OCA2: variants seen among roughly 807,000 people sequenced by gnomAD.
The protein encoded by OCA2 is OCA2 melanosomal transmembrane protein, also known as P protein.
A neutral mutation model predicts 100.2 loss-of-function variants in OCA2; 77 were observed. That is an observed-to-expected ratio of 0.77 (90% CI 0.64 to 0.93). OCA2 has a LOEUF of 0.93. Among genes scored for constraint, OCA2 ranks in the 40% least tolerant of loss-of-function variants. OCA2 has a pLI of 0.00. For synonymous variants in OCA2, 432 were observed against 439.2 expected (o/e 0.98, Z 0.21); for missense variants, 1,062 against 1,089.1 (o/e 0.98, Z 0.35).
rs2036568844 is a variant in OCA2, at chr15:27,871,400, A to G, written c.2140-142T>C. ...AGACCAAGGCAGACATAGGTGTGCA[A>G]GCCAGGGCCACACCCACACCAGGAG... On this transcript the variant is annotated intron_variant, in intron 20 of 23. Transcript: ENST00000354638. 5.6e-6 allele frequency: 4 copies of G among 709,182 alleles called. No homozygotes were observed. In the South Asian group the frequency reaches 6.0e-5, roughly 11 times the overall value. The allele number at this position is 709,182 out of a possible 1,614,324, so 43.9% of individuals were successfully genotyped here. A position where few individuals can be genotyped will look rare whatever the true frequency, so the allele number is the denominator to read the frequency against.
chr15:27,909,543 A>G (rs1371339761), intron 19 of OCA2, among the ~76,000 whole-genome samples: 2 of 152,222 alleles, frequency 1.3e-5, no homozygotes, highest in Non-Finnish European at 2.9e-5. Context: ...ATGCTGGTCC[A>G]TTAACAGACA....
At chr15:27,909,213 A>T (rs1306385746) in intron 19 of OCA2, among the ~76,000 whole-genome samples, 1 of 152,248 alleles carries the variant, frequency 6.6e-6, no homozygotes, top group Non-Finnish European at 1.5e-5. Flanking sequence ...CAAAAATTAT[A>T]CAACACAATT....
At chr15:27,746,506 T>A in the OCA2 span, among the ~76,000 whole-genome samples, 3 of 151,874 alleles carry the variant, frequency 2.0e-5, no homozygotes, top group African/African-American at 7.2e-5. Flanking sequence ...AGAACTTTTT[T>A]CCCCCTGAAA....
chr15:27,727,961 G>T, the OCA2 span, among the ~76,000 whole-genome samples: 1 of 152,184 alleles, frequency 6.6e-6, no homozygotes, highest in Non-Finnish European at 1.5e-5. Context: ...GACATCTTTG[G>T]GGATGAAGCT....
intron 2 of OCA2, among the ~76,000 whole-genome samples, chr15:28,055,176 G>A (rs984137756): frequency 3.3e-5 from 5 of 152,234 alleles, no homozygotes; most frequent in South Asian, 4.1e-4. Flanking sequence ...TGGGTTTGCT[G>A]AGTTTGTCAT....
downstream of OCA2, among the ~76,000 whole-genome samples, chr15:27,751,991 G>A (rs1337612752): frequency 6.6e-6 from 1 of 152,228 alleles, no homozygotes; most frequent in African/African-American, 2.4e-5. Flanking sequence ...GAAGTATGTT[G>A]CATTTACAAG....
chr15:27,984,043 T>A (rs569618571), intron 13 of OCA2, among the ~76,000 whole-genome samples: 1 of 151,534 alleles, frequency 6.6e-6, no homozygotes, highest in African/African-American at 2.4e-5. Flanking sequence ...ATGTAATAAT[T>A]CACATAATCA....
Position 27,955,291 on chromosome 15 carries a change from CG to C in OCA2, c.1785-77del. The C allele has an allele frequency of 2.8e-6, 3 of 1,078,326 alleles. No homozygotes were observed. In the East Asian group the frequency reaches 7.1e-5, roughly 25 times the overall value. 66.8% of individuals were successfully genotyped at this position (1,078,326 alleles called of 1,614,324 possible). A position where few individuals can be genotyped will look rare whatever the true frequency, so the allele number is the denominator to read the frequency against. On this transcript the variant is annotated intron_variant, in intron 16 of 23. Transcript: ENST00000354638. ...GAGATCGCGGAGCAGCAGTCCCCAGCGCTTCGTGCCTGGACGCGGTCTGTGA... is the reference window on the plus strand; with the variant it reads ...GAGATCGCGGAGCAGCAGTCCCCAGCCTTCGTGCCTGGACGCGGTCTGTGA...
At position 27,942,355 on chromosome 15, in the gene OCA2, C is replaced by T. The variant is rs531365983; in HGVS notation, c.1951+9429G>A. 1.4e-3 allele frequency among the ~76,000 whole-genome samples: 213 copies of T among 151,736 alleles called. 2 individuals are homozygous for T. Among genetic ancestry groups the T allele is most frequent in the African/African-American group, 4.8e-3 (199 of 41,400 alleles). ...TGAAGCACTAATCCATGATGCAACA[C>T]GGATGCACCTTGAAAATGTTATGCT... On this transcript the variant is annotated intron_variant, in intron 18 of 23. Transcript: ENST00000354638.
At chr15:27,821,913 C>T (rs567837021) in intron 23 of OCA2, among the ~76,000 whole-genome samples, 68 of 152,252 alleles carry the variant, frequency 4.5e-4, no homozygotes, top group African/African-American at 1.5e-3. Context: ...AATCTTTTTG[C>T]ATATTTTGAA....
chr15:27,892,466 T>A (rs1684214378), intron 19 of OCA2, among the ~76,000 whole-genome samples: 1 of 152,132 alleles, frequency 6.6e-6, no homozygotes, highest in South Asian at 2.1e-4. Flanking sequence ...AGTCTATGGG[T>A]CAATGAAGAG....
In OCA2 at chr15:28,089,549, G is replaced by A. The variant is rs544803223; in HGVS notation, c.-21-7654C>T. Among the ~76,000 whole-genome samples the A allele has an allele frequency of 3.2e-4, 49 of 152,074 alleles. 1 individual carries two copies. Among genetic ancestry groups the A allele is most frequent in the Non-Finnish European group, 5.0e-4 (34 of 68,000 alleles). On this transcript the variant is annotated intron_variant, in intron 1 of 23. Transcript: ENST00000354638. Reference sequence around the variant, plus strand: ...CTCCATTCGGGGTCCCTGACTTCCCGCAACAACAAATCAAAATGGAATTCT... The same window carrying A: ...CTCCATTCGGGGTCCCTGACTTCCCACAACAACAAATCAAAATGGAATTCT...
At chr15:27,750,564 A>T (rs2030034144), downstream of OCA2, among the ~76,000 whole-genome samples, 1 of 152,252 alleles carries the variant, frequency 6.6e-6, no homozygotes, top group Non-Finnish European at 1.5e-5. Flanking sequence ...TCCAGTGGAC[A>T]CTTCCTGCAT....
At chr15:28,085,841 C>CA (rs1221624901) in intron 1 of OCA2, among the ~76,000 whole-genome samples, 1 of 152,090 alleles carries the variant, frequency 6.6e-6, no homozygotes, top group Non-Finnish European at 1.5e-5. Context: ...ATGTTTAGAA[C>CA]AAAAAGCCCC....
At chr15:28,042,224 A>C (rs1290720311) in intron 2 of OCA2, among the ~76,000 whole-genome samples, 1 of 152,188 alleles carries the variant, frequency 6.6e-6, no homozygotes, top group Non-Finnish European at 1.5e-5. Flanking sequence ...GGAATTCAAG[A>C]AATGATGGGA....
chr15:27,832,162 T>C (rs4778191), intron 23 of OCA2, among the ~76,000 whole-genome samples: 76,313 of 151,982 alleles, frequency 0.5, 19,828 homozygotes, highest in South Asian at 0.76. Context: ...GCACCTGATG[T>C]GCCTTTGAGT....
Position 27,896,267 on chromosome 15 carries a change from A to G in OCA2, c.2080-24345T>C, listed in dbSNP as rs567387135. The G allele has an allele frequency of 9.8e-5, 109 of 1,117,530 alleles. No individual in the cohort carries two copies. The South Asian group carries it at 1.3e-3, about 13-fold the overall frequency. The allele number at this position is 1,117,530 out of a possible 1,614,324, so 69.2% of individuals were successfully genotyped here. A position where few individuals can be genotyped will look rare whatever the true frequency, so the allele number is the denominator to read the frequency against. On this transcript the variant is annotated intron_variant, in intron 19 of 23. Coordinates refer to ENST00000354638, the MANE Select transcript of OCA2 (RefSeq NM_000275.3). ...GTTCTGAAAGCAAGGAATTTAATGC[A>G]GAAGTACACCGGAAGCACATCATGG... is the stretch of plus-strand genomic sequence containing the variant.
chr15:28,067,406 C>T (rs1278438148), intron 2 of OCA2, among the ~76,000 whole-genome samples: 2 of 152,094 alleles, frequency 1.3e-5, no homozygotes, highest in Non-Finnish European at 2.9e-5. Flanking sequence ...TTGTTCCTTT[C>T]TCTCTAGTTC....
chr15:27,968,235 TC>T (rs902816557), intron 14 of OCA2, among the ~76,000 whole-genome samples: 3 of 152,190 alleles, frequency 2.0e-5, no homozygotes, highest in Admixed American at 2.0e-4. Context: ...GAGGCTCTTA[TC>T]CCCATGAAGC....
Sources: allele counts gnomAD v4.1 joint callset (sites outside exome capture counted in the v4.1 genomes callset), GRCh38; gene constraint gnomAD v4.1.1; transcripts MANE v1.5; gene names NCBI Gene and HGNC (gene_info 2026-07-23, HGNC 2026-07-21).